Variants in SEPTIN3 observed in about 807,000 individuals in gnomAD.
The protein encoded by SEPTIN3 is septin 3, also known as neuronal-specific septin-3.
A neutral mutation model predicts 45.1 loss-of-function variants in SEPTIN3; 15 were observed. That is an observed-to-expected ratio of 0.33 (90% confidence interval 0.22 to 0.51). SEPTIN3 has a LOEUF of 0.51. Ranked by LOEUF, SEPTIN3 falls within the 20% of genes least tolerant of loss-of-function variation. SEPTIN3 has a pLI of 0.97. For synonymous variants in SEPTIN3, 148 were observed against 164.8 expected (o/e 0.90, Z 0.78); for missense variants, 289 against 457.2 (o/e 0.63, Z 3.35).
chr22:41,985,823 A>T, intron 3 of SEPTIN3, 161 bp from the exon 4 acceptor site: 1 of 760,250 alleles, frequency 1.3e-6, no homozygotes, highest in Non-Finnish European at 2.0e-6. Context: ...AGCCATTCCC[A>T]CCTGCCTGCA....
chr22:41,988,322 T>G (rs931061708), intron 6 of SEPTIN3, among the ~76,000 whole-genome samples: 1 of 152,060 alleles, frequency 6.6e-6, no homozygotes, highest in African/African-American at 2.4e-5. Context: ...TGTTGGGAAC[T>G]CTGATTGTGA....
At chr22:41,992,068 C>T (rs1389843167) in intron 8 of SEPTIN3, among the ~76,000 whole-genome samples, 7 of 151,988 alleles carry the variant, frequency 4.6e-5, no homozygotes, top group Non-Finnish European at 1.0e-4. Flanking sequence ...ATAGGCTTCC[C>T]CCGCTAGAAT....
chr22:41,981,945 G>A, intron 3 of SEPTIN3, 109 bp downstream of exon 3: 1 of 967,880 alleles, frequency 1.0e-6, no homozygotes, highest in Non-Finnish European at 1.6e-6. Context: ...TGAGCTGTTT[G>A]TAGAAGGGAG....
chr22:41,991,608 C>T lies in SEPTIN3; in HGVS notation c.2199C>T (p.Phe733=). Residue 733 remains phenylalanine, a synonymous_variant, in exon 8 of 12, where the codon TTC becomes TTT. Coordinates refer to ENST00000644076, the MANE Select transcript of SEPTIN3 (RefSeq NM_001363845.2). ...RKELEVNGIE[F]YPQKEFDEDL... ...AGCTTGAAGTAAATGGCATTGAATT[C>T]TACCCCCAGAAGGAATTTGATGAGG... 1 of 1,614,094 alleles carries T rather than the reference C, an allele frequency of 6.2e-7. No homozygotes were observed. The highest frequency in any genetic ancestry group is 8.5e-7 in the Non-Finnish European group (1 of 1,179,918).
At chr22:41,988,478 C>T (rs563586789) in intron 6 of SEPTIN3, among the ~76,000 whole-genome samples, 2 of 152,196 alleles carry the variant, frequency 1.3e-5, no homozygotes, top group Admixed American at 6.5e-5. Flanking sequence ...GAGTTAAGCT[C>T]TTCAGAGGAT....
At chr22:41,995,926 A>G (rs2146732085) in intron 11 of SEPTIN3, 1 of 981,118 alleles carries the variant, frequency 1.0e-6, no homozygotes, top group Middle Eastern at 5.2e-4. Context: ...AACAATATAC[A>G]TAATTTGTCT....
At chr22:41,979,332 T>C (rs2078084409) in intron 2 of SEPTIN3, among the ~76,000 whole-genome samples, 1 of 152,114 alleles carries the variant, frequency 6.6e-6, no homozygotes, top group Non-Finnish European at 1.5e-5. Flanking sequence ...TTACACAACC[T>C]CTCATAAGTA....
Position 41,972,699 on chromosome 22 carries a change from T to C in SEPTIN3, c.1207T>C (p.Leu403=), listed in dbSNP as rs1436832504. The C allele has an allele frequency of 1.8e-5, 7 of 398,750 alleles. No homozygotes were observed. Among genetic ancestry groups the C allele is most frequent in the Non-Finnish European group, 3.1e-5 (7 of 226,084 alleles). 24.7% of individuals were successfully genotyped at this position (398,750 alleles called of 1,614,324 possible). Residue 403 remains leucine (L), a synonymous_variant, in exon 2 of 12, where the codon TTG becomes CTG. Transcript: ENST00000644076. The part of the protein sequence containing the change: ...TITATVGTSR[L]ETAMALARVN... ...CACAGCTACAGTGGGCACCAGTAGG[T>C]TGGAAACAGCCATGGCTTTGGCCAG...
chr22:41,971,676 A>G lies in SEPTIN3; in HGVS notation c.184A>G (p.Ser62Gly). 2.5e-6 allele frequency: 1 copy of G among 398,854 alleles called. No individual in the cohort carries two copies. The highest frequency in any genetic ancestry group is 4.4e-6 in the Non-Finnish European group (1 of 226,098). The allele number at this position is 398,854 out of a possible 1,614,324, so 24.7% of individuals were successfully genotyped here. A position where few individuals can be genotyped will look rare whatever the true frequency, so the allele number is the denominator to read the frequency against. Residue 62 changes from serine (S) to glycine (G), a missense_variant, in exon 2 of 12, where the codon AGC becomes GGC. Around this residue, in one of 3 missense-constraint regions of SEPTIN3, gnomAD observed 200 missense variants for 315.1 expected, o/e 0.63. Transcript: ENST00000644076. ...CATCCATCTGGATACCTTCCCCCAA[A>G]GCCATATCCCACAGACCTCCAGCCG... ...KTIHLDTFPQ[S>G]HIPQTSSRLG... is the part of the protein sequence containing the mutation.
chr22:41,996,731 G>A (rs2078446943), intron 11 of SEPTIN3, 171 bp from the exon 12 acceptor site: 1 of 1,497,112 alleles, frequency 6.7e-7, no homozygotes, highest in African/African-American at 1.4e-5. Flanking sequence ...GGAGACCTTG[G>A]ACCAGCAGGG....
chr22:41,972,080 A>G lies in SEPTIN3; in HGVS notation c.588A>G (p.Gln196=), dbSNP rs2077965890. ...LVSSYLALPF[Q]SRLAQSAPVL... ...GTTCCTACCTAGCCTTACCTTTCCA[A>G]TCCCGGTTAGCCCAGAGTGCACCAG... Residue 196 remains glutamine, a synonymous_variant, in exon 2 of 12, where the codon CAA becomes CAG. Transcript: ENST00000644076. The G allele has an allele frequency of 2.5e-6, 1 of 398,998 alleles. No homozygotes were observed. Among genetic ancestry groups the G allele is most frequent in the African/African-American group, 2.1e-5 (1 of 48,720 alleles). 24.7% of individuals were successfully genotyped at this position (398,998 alleles called of 1,614,324 possible).
intron 2 of SEPTIN3, among the ~76,000 whole-genome samples, chr22:41,974,075 T>C (rs2077988009): frequency 6.6e-6 from 1 of 151,070 alleles, no homozygotes; most frequent in Non-Finnish European, 1.5e-5. Flanking sequence ...GGTGGGAGAA[T>C]TGCTTGAGCC....
chr22:41,991,533 C>G (rs373071082), intron 7 of SEPTIN3, 40 bp from the exon 8 acceptor site: 2 of 1,457,714 alleles, frequency 1.4e-6, no homozygotes, highest in Admixed American at 1.7e-5. Context: ...TTTCCATTAC[C>G]CTGACACTTG....
At chr22:41,992,809 C>A (rs771256467) in intron 9 of SEPTIN3, 46 bp downstream of exon 9, 1 of 1,275,554 alleles carries the variant, frequency 7.8e-7, no homozygotes, top group South Asian at 1.3e-5. Flanking sequence ...GATCAGTTAT[C>A]CAGTCACCAT....
At chr22:41,979,693 G>A (rs2078090673) in intron 2 of SEPTIN3, among the ~76,000 whole-genome samples, 1 of 152,256 alleles carries the variant, frequency 6.6e-6, no homozygotes, top group Non-Finnish European at 1.5e-5. Flanking sequence ...GCCCTGGGGA[G>A]GTCCTGAGGC....
chr22:41,977,574 G>A (rs896465703), intron 2 of SEPTIN3, among the ~76,000 whole-genome samples: 5 of 151,962 alleles, frequency 3.3e-5, no homozygotes, highest in African/African-American at 1.2e-4. Context: ...GACCGAGAGA[G>A]CTTTCGTGAT....
chr22:41,990,301 G>C (rs1187251662), intron 7 of SEPTIN3, among the ~76,000 whole-genome samples: 1 of 151,236 alleles, frequency 6.6e-6, no homozygotes, highest in Admixed American at 6.6e-5. Flanking sequence ...TGATCTGCCC[G>C]CCTCGGCCTC....
At position 41,994,547 on chromosome 22, in the gene SEPTIN3, G is replaced by A. The variant is rs928337229; in HGVS notation, c.2412-74G>A. On this transcript the variant is annotated intron_variant, in intron 10 of 11. Coordinates refer to ENST00000644076, the MANE Select transcript of SEPTIN3 (RefSeq NM_001363845.2). The surrounding 1 kb of genome is among the most constrained non-coding windows in gnomAD (Gnocchi z 4.2). ...TCCCATTCACTGGGTCCAGTCCCTC[G>A]AAGTGATGTGTGTCACCGCCTCCTC... 7 of 1,604,554 alleles carry A rather than the reference G, an allele frequency of 4.4e-6. No homozygotes were observed. The highest frequency in any genetic ancestry group is 2.0e-4 in the Middle Eastern group (1 of 4,966).
Position 41,996,902 on chromosome 22 carries a change from G to T in SEPTIN3, c.2506G>T (p.Gly836Ter). The T allele has an allele frequency of 6.2e-7, 1 of 1,613,882 alleles. No homozygotes were observed. The change falls in exon 12 of 12, where the codon GGA becomes TGA. Residue 836 changes from glycine (G) to a stop codon, truncating the protein, a stop_gained and splice_region_variant. Coordinates refer to ENST00000644076, the MANE Select transcript of SEPTIN3 (RefSeq NM_001363845.2). LOFTEE classifies it high-confidence loss of function. The part of the protein sequence containing the change: ...RLNDNGGLPP[G>*]EGLLGTVLPP... ...TCAACCGTTCTCAACCCCCCTGCAG[G>T]GAGAAGGCCTCCTGGGCACTGTCCT...
Sources: allele counts gnomAD v4.1 joint callset (sites outside exome capture counted in the v4.1 genomes callset), GRCh38; gene constraint gnomAD v4.1.1; regional missense constraint gnomAD v4.1.1; non-coding constraint Gnocchi (gnomAD v3.1); transcripts MANE v1.5; gene names NCBI Gene and HGNC (gene_info 2026-07-23, HGNC 2026-07-21).